RRBP1: variants seen among roughly 807,000 people sequenced by gnomAD.
RRBP1 encodes ribosome-binding protein 1.
In RRBP1, 94 loss-of-function variants were observed where a neutral mutation model predicts 165.2. The ratio of observed to expected loss-of-function variants is 0.57; its 90% CI spans 0.48 to 0.68. The LOEUF is 0.68. RRBP1 is among the 30% of genes least tolerant of loss of function. RRBP1 has a pLI of 0.00. For missense variants in RRBP1, 1,676 were observed against 1,763.0 expected (o/e 0.95, Z 0.88); for synonymous variants, 680 against 714.5 (o/e 0.95, Z 0.77).
chr20:17,648,947 T>C (rs976368878), intron 3 of RRBP1, among the ~76,000 whole-genome samples: 1 of 152,224 alleles, frequency 6.6e-6, no homozygotes, highest in African/African-American at 2.4e-5. Flanking sequence ...CCAGGCTGTC[T>C]GACCACAGCC....
Position 17,618,696 on chromosome 20 carries a change from A to G in RRBP1, c.3676-17T>C. The G allele has an allele frequency of 6.2e-7, 1 of 1,601,502 alleles. No individual in the cohort carries two copies. Among genetic ancestry groups the G allele is most frequent in the Non-Finnish European group, 8.6e-7 (1 of 1,168,900 alleles). On this transcript the variant is annotated splice_polypyrimidine_tract_variant and intron_variant, in intron 19 of 24. Transcript: ENST00000377813. ...TTGCCTCAGCTTGGGGAGAAAACAGAGGCGGGTGATGGGAAAAAAGGAGAG... is the reference window on the plus strand; with the variant it reads ...TTGCCTCAGCTTGGGGAGAAAACAGGGGCGGGTGATGGGAAAAAAGGAGAG...
intron 2 of RRBP1, among the ~76,000 whole-genome samples, chr20:17,663,966 A>G (rs1452347759): frequency 6.6e-6 from 1 of 152,220 alleles, no homozygotes; most frequent in African/African-American, 2.4e-5. Flanking sequence ...TCCTCTGGGA[A>G]ACTTCCCAAC....
In RRBP1 at chr20:17,659,899, C is replaced by A; in HGVS notation, c.609G>T (p.Glu203Asp). ...ATGTTQGKKA[E>D]GTQNQSKKAE... ...CCTTTTTGCTTTGATTCTGAGTCCC[C>A]TCCGCCTTTTTGCCCTGAGTAGTGC... Residue 203 changes from glutamate to aspartate, a missense_variant, in exon 3 of 25, where the codon GAG (glutamate) becomes GAT (aspartate). Transcript: ENST00000377813. The A allele has an allele frequency of 6.4e-7, 1 of 1,556,498 alleles. No homozygotes were observed. Among genetic ancestry groups the A allele is most frequent in the Non-Finnish European group, 8.7e-7 (1 of 1,149,114 alleles).
Position 17,666,959 on chromosome 20 carries a change from T to C in RRBP1, c.-21-6431A>G, listed in dbSNP as rs1405090466. On this transcript the variant is annotated intron_variant, in intron 2 of 24. Transcript: ENST00000377813. ...GCCAGTTCACAGAAAGTTTCTATGG[T>C]ATAAATGTTTCTTGATGGAGATTCT... Among the ~76,000 whole-genome samples, 7 of 152,246 alleles carry C rather than the reference T, an allele frequency of 4.6e-5. 1 individual carries two copies. The highest frequency in any genetic ancestry group is 4.6e-4 in the Admixed American group (7 of 15,286).
intron 2 of RRBP1, among the ~76,000 whole-genome samples, chr20:17,677,068 G>GAA (rs11477613): frequency 1.4e-5 from 2 of 141,304 alleles, no homozygotes; most frequent in East Asian, 2.0e-4. Flanking sequence ...AGATTTTAGT[G>GAA]AAAAAAAAAA....
At chr20:17,626,169 G>A (rs1452457741) in intron 11 of RRBP1, among the ~76,000 whole-genome samples, 37 of 152,152 alleles carry the variant, frequency 2.4e-4, no homozygotes, top group Non-Finnish European at 7.3e-5. Context: ...GGAAATAAAA[G>A]CACCAATTTC....
chr20:17,670,300 T>C (rs937974902), intron 2 of RRBP1, among the ~76,000 whole-genome samples: 11 of 152,198 alleles, frequency 7.2e-5, no homozygotes, highest in African/African-American at 2.7e-4. Context: ...TGTTTATCTT[T>C]TCAGGTATGA....
intron 1 of RRBP1, among the ~76,000 whole-genome samples, chr20:17,681,632 T>C (rs1568796124): frequency 1.4e-5 from 2 of 141,748 alleles, no homozygotes; most frequent in East Asian, 4.4e-4. Flanking sequence ...CCGCCAGCTG[T>C]GCGCCGCCCC....
intron 3 of RRBP1, among the ~76,000 whole-genome samples, chr20:17,646,623 A>G (rs368967311): frequency 8.5e-5 from 13 of 152,214 alleles, no homozygotes; most frequent in South Asian, 6.2e-4. Context: ...ACAGCAAAAT[A>G]AATCAGCATG....
intron 2 of RRBP1, among the ~76,000 whole-genome samples, chr20:17,665,086 A>G (rs1051963941): frequency 6.6e-6 from 1 of 151,794 alleles, no homozygotes; most frequent in African/African-American, 2.4e-5. Flanking sequence ...ATATATATGT[A>G]TGTGCCTGTG....
chr20:17,646,328 T>A (rs1195792933), intron 3 of RRBP1, among the ~76,000 whole-genome samples: 1 of 152,200 alleles, frequency 6.6e-6, no homozygotes, highest in Non-Finnish European at 1.5e-5. Context: ...ATGAAACCAC[T>A]GTACAGATGA....
intron 3 of RRBP1, among the ~76,000 whole-genome samples, chr20:17,656,678 T>TA (rs1202245033): frequency 6.6e-6 from 1 of 152,152 alleles, no homozygotes; most frequent in Non-Finnish European, 1.5e-5. Flanking sequence ...AAATCCACTG[T>TA]AAAAAAATCT....
intron 4 of RRBP1, 73 bp downstream of exon 4, chr20:17,642,906 C>CGCCGTATCATTAAA: frequency 6.7e-7 from 1 of 1,497,132 alleles, no homozygotes; most frequent in Non-Finnish European, 9.2e-7. Flanking sequence ...CTCTCTGTGG[C>CGCCGTATCATTAAA]AGAGGGAAGG....
At chr20:17,626,372 T>C (rs889973737) in intron 11 of RRBP1, among the ~76,000 whole-genome samples, 4 of 152,026 alleles carry the variant, frequency 2.6e-5, no homozygotes, top group African/African-American at 7.3e-5. Flanking sequence ...GAAAGGAAGG[T>C]GGACAAGGTT....
intron 3 of RRBP1, among the ~76,000 whole-genome samples, chr20:17,650,149 T>C (rs2036529533): frequency 6.6e-6 from 1 of 152,040 alleles, no homozygotes; most frequent in Admixed American, 6.5e-5. Context: ...ATAATGGAGT[T>C]GTTTCTTCTC....
intron 3 of RRBP1, among the ~76,000 whole-genome samples, chr20:17,646,914 CA>C (rs1356100131): frequency 6.6e-6 from 1 of 152,202 alleles, no homozygotes; most frequent in Non-Finnish European, 1.5e-5. Context: ...GCCAGCCCCC[CA>C]CATCAGCTGC....
intron 3 of RRBP1, among the ~76,000 whole-genome samples, chr20:17,650,240 C>T (rs1253938396): frequency 6.6e-6 from 1 of 152,158 alleles, no homozygotes; most frequent in East Asian, 1.9e-4. Context: ...CATAATCCTA[C>T]CTCCCAAAGG....
chr20:17,637,484 A>AATGTCTAG (rs2036269422), intron 5 of RRBP1, among the ~76,000 whole-genome samples: 7 of 152,132 alleles, frequency 4.6e-5, no homozygotes, highest in African/African-American at 1.7e-4. Flanking sequence ...GCAGGCCTGG[A>AATGTCTAG]CAGACCAGCA....
chr20:17,661,123 C>T (rs2122456312), intron 2 of RRBP1, among the ~76,000 whole-genome samples: 1 of 152,298 alleles, frequency 6.6e-6, no homozygotes, highest in East Asian at 1.9e-4. Flanking sequence ...GGCTTTCAGC[C>T]ACAAGCATTT....
Sources: allele counts gnomAD v4.1 joint callset (sites outside exome capture counted in the v4.1 genomes callset), GRCh38; gene constraint gnomAD v4.1.1; transcripts MANE v1.5; gene names NCBI Gene and HGNC (gene_info 2026-07-23, HGNC 2026-07-21).